The following LRRC49 variants were observed in gnomAD, a reference collection of about 807,000 sequenced individuals.
The protein encoded by LRRC49 is leucine-rich repeat-containing protein 49.
A neutral mutation model predicts 83.3 loss-of-function variants in LRRC49; 50 were observed. That is an observed-to-expected ratio of 0.60 (90% CI 0.48 to 0.76). The LOEUF is 0.76. Ranked by LOEUF, LRRC49 falls within the 30% of genes least tolerant of loss-of-function variation. The pLI is 0.00. For synonymous variants in LRRC49, 286 were observed against 283.3 expected (o/e 1.01, Z -0.10); for missense variants, 704 against 809.1 (o/e 0.87, Z 1.58).
At chr15:70,923,808 A>T (rs748763868) in intron 7 of LRRC49, among the ~76,000 whole-genome samples, 2 of 151,824 alleles carry the variant, frequency 1.3e-5, no homozygotes, top group Non-Finnish European at 3.0e-5. Context: ...CCTTCTCCAT[A>T]TATCAGTTAA....
chr15:70,928,492 T>C (rs961043505), intron 7 of LRRC49, among the ~76,000 whole-genome samples: 1 of 152,080 alleles, frequency 6.6e-6, no homozygotes, highest in Non-Finnish European at 1.5e-5. Context: ...TTAGCATACC[T>C]AATATTTGTG....
Position 71,008,491 on chromosome 15 carries a change from T to G in LRRC49, c.1282T>G (p.Ser428Ala). The G allele has an allele frequency of 1.9e-6, 3 of 1,612,876 alleles. No individual in the cohort carries two copies. The East Asian group carries it at 6.7e-5, about 36-fold the overall frequency. Reference protein sequence around the residue: ...LSLYGSGALESLDRNWSVQTA... With the variant: ...LSLYGSGALEALDRNWSVQTA... ...CCTATATGGCTCAGGAGCACTGGAA[T>G]CTCTGGATAGGAATTGGAGTGTTCA... The change falls in exon 12 of 16, where the codon TCT becomes GCT. Residue 428 changes from serine (S) to alanine (A), a missense_variant. Ser to Ala is a moderately conservative substitution (Grantham distance 99). Coordinates refer to ENST00000260382, the MANE Select transcript of LRRC49 (RefSeq NM_017691.5).
At chr15:70,860,208 C>G (rs2032755046) in intron 1 of LRRC49, 1 of 610,646 alleles carries the variant, frequency 1.6e-6, no homozygotes, top group African/African-American at 2.1e-5. Context: ...GCGGCTGCCC[C>G]AGGGCCCTGG....
chr15:70,869,403 A>G lies in LRRC49; in HGVS notation c.-298-3505A>G, dbSNP rs377464321. On this transcript the variant is annotated intron_variant, in intron 1 of 16. Transcript: ENST00000544974. ...CTTCTTAGACTGCCATATTTAAACC[A>G]AATGATCCCACCCTTTCAGTGGTAG... is the stretch of plus-strand genomic sequence containing the variant. Among the ~76,000 whole-genome samples, 3 of 152,178 alleles carry G rather than the reference A, an allele frequency of 2.0e-5. No homozygotes were observed. In the East Asian group the frequency reaches 5.8e-4, roughly 29 times the overall value.
intron 9 of LRRC49, among the ~76,000 whole-genome samples, chr15:70,969,164 G>A (rs1179214422): frequency 2.6e-5 from 4 of 152,128 alleles, no homozygotes; most frequent in African/African-American, 4.8e-5. Flanking sequence ...TTTGTGTAAG[G>A]TGTAAGGAAG....
chr15:70,954,067 G>A (rs2036314182), intron 8 of LRRC49, among the ~76,000 whole-genome samples: 1 of 151,876 alleles, frequency 6.6e-6, no homozygotes, highest in Admixed American at 6.6e-5. Context: ...GCTAATTTTT[G>A]TATTTTTAAT....
chr15:70,947,128 C>T (rs1017460514), intron 8 of LRRC49, among the ~76,000 whole-genome samples: 5 of 152,008 alleles, frequency 3.3e-5, no homozygotes, highest in Non-Finnish European at 7.4e-5. Flanking sequence ...TCAAAATGAC[C>T]TACTTCAGGG....
rs913091068 is a variant in LRRC49 at position 70,960,469 on chromosome 15, G to A, written c.774-3316G>A. On this transcript the variant is annotated intron_variant, in intron 8 of 15. Transcript: ENST00000260382. ...CTTCATGTTCTTATCAGAGCAAAAC[G>A]TGTATCATTCATGTAGTAAATAAAC... is the stretch of plus-strand genomic sequence containing the variant. Among the ~76,000 whole-genome samples, 46 of 152,168 alleles carry A rather than the reference G, an allele frequency of 3.0e-4. 1 individual carries two copies. The highest frequency in any genetic ancestry group is 5.1e-4 in the Non-Finnish European group (35 of 68,032).
intron 3 of LRRC49, among the ~76,000 whole-genome samples, 166 bp downstream of exon 3, chr15:70,896,102 T>C (rs1243355143): frequency 6.6e-6 from 1 of 152,168 alleles, no homozygotes; most frequent in East Asian, 1.9e-4. Flanking sequence ...TATATATATG[T>C]AGCATAGTAG....
intron 11 of LRRC49, among the ~76,000 whole-genome samples, chr15:70,998,416 A>C (rs540251471): frequency 6.6e-6 from 1 of 151,680 alleles, no homozygotes; most frequent in Non-Finnish European, 1.5e-5. Flanking sequence ...GTCTTAATTT[A>C]TCTCTTATTT....
chr15:70,973,496 C>A (rs2037089960), intron 9 of LRRC49, among the ~76,000 whole-genome samples: 1 of 152,166 alleles, frequency 6.6e-6, no homozygotes, highest in Non-Finnish European at 1.5e-5. Flanking sequence ...TGTCCCTTAG[C>A]AGAGCTCGAG....
At chr15:70,944,021 G>A (rs1341478695) in intron 8 of LRRC49, among the ~76,000 whole-genome samples, 9 of 152,062 alleles carry the variant, frequency 5.9e-5, no homozygotes, top group Non-Finnish European at 1.3e-4. Flanking sequence ...TTGTGTATCT[G>A]AGGCAGACTG....
At position 70,853,965 on chromosome 15, in the gene LRRC49, C is replaced by G. The variant is rs369653791; in HGVS notation, c.-299+496C>G. 1,149 of 1,457,874 alleles carry G rather than the reference C, an allele frequency of 7.9e-4. No individual in the cohort carries two copies. Among genetic ancestry groups the G allele is most frequent in the Admixed American group, 1.2e-3 (48 of 41,030 alleles). 90.3% of individuals were successfully genotyped at this position (1,457,874 alleles called of 1,614,324 possible). On this transcript the variant is annotated intron_variant, in intron 1 of 16. Coordinates refer to the LRRC49 transcript ENST00000544974. The stretch of plus-strand genomic sequence containing the variant: ...AGGTACCGGGCCGGGTCCCCGGCGC[C>G]CCGAGTCTCCGCCCCCTCCTCCTCG...
At chr15:71,025,577 A>C (rs1412711898) in intron 14 of LRRC49, among the ~76,000 whole-genome samples, 1 of 152,182 alleles carries the variant, frequency 6.6e-6, no homozygotes, top group Admixed American at 6.5e-5. Context: ...AAGCTGGATA[A>C]AAAGTCAAGA....
intron 9 of LRRC49, among the ~76,000 whole-genome samples, chr15:70,968,524 T>C (rs2036876584): frequency 6.6e-6 from 1 of 152,180 alleles, no homozygotes; most frequent in Non-Finnish European, 1.5e-5. Flanking sequence ...GGTCAAATGG[T>C]ATTTCTAGTT....
chr15:70,871,727 T>G (rs578044800), intron 1 of LRRC49, among the ~76,000 whole-genome samples: 104 of 129,566 alleles, frequency 8.0e-4, no homozygotes, highest in African/African-American at 3.0e-3. Context: ...GGGGTGGTGG[T>G]GGGGCAGACA....
chr15:70,854,014 G>T (rs560760507), intron 1 of LRRC49: 1 of 1,458,200 alleles, frequency 6.9e-7, no homozygotes, highest in South Asian at 1.3e-5. Context: ...CCACGTCCTC[G>T]GCCTCCTGGA....
At chr15:70,887,860 G>A (rs1190172337), upstream of LRRC49, among the ~76,000 whole-genome samples, 4 of 152,090 alleles carry the variant, frequency 2.6e-5, no homozygotes, top group African/African-American at 9.7e-5. Context: ...TAATAAGTGA[G>A]TTTAACAAGG....
At chr15:70,996,918 T>C (rs1208093541) in intron 11 of LRRC49, among the ~76,000 whole-genome samples, 1 of 152,226 alleles carries the variant, frequency 6.6e-6, no homozygotes, top group African/African-American at 2.4e-5. Flanking sequence ...AGAGAAGACA[T>C]TTTGTAGAAT....
Sources: gnomAD v4.1 joint callset for allele counts (sites outside exome capture counted in the v4.1 genomes callset) on GRCh38, gnomAD v4.1.1 for gene constraint, MANE v1.5 for transcripts, NCBI Gene and HGNC (gene_info 2026-07-23, HGNC 2026-07-21) for gene names.